TCERG1L: variants seen among roughly 807,000 people sequenced by gnomAD.
TCERG1L encodes transcription elongation regulator 1-like protein.
A neutral mutation model predicts 56.3 loss-of-function variants in TCERG1L; 37 were observed. That is an observed-to-expected ratio of 0.66 (90% confidence interval 0.51 to 0.87). The LOEUF (loss-of-function observed/expected upper bound fraction) is 0.87. Ranked by LOEUF, TCERG1L falls within the 40% of genes least tolerant of loss-of-function variation. TCERG1L has a pLI of 0.00. For missense variants in TCERG1L, 799 were observed against 774.2 expected (o/e 1.03, Z -0.38); for synonymous variants, 324 against 326.3 (o/e 0.99, Z 0.08).
Position 131,148,477 on chromosome 10 carries a change from G to C in TCERG1L, c.1035-1817C>G, listed in dbSNP as rs201082051. On this transcript the variant is annotated intron_variant, in intron 6 of 11. Coordinates refer to ENST00000368642, the MANE Select transcript of TCERG1L (RefSeq NM_174937.4). ...ATAAACACACACAGACACATACACA[G>C]ACACATGCACACATATATACACACA... 4.9e-4 allele frequency among the ~76,000 whole-genome samples: 70 copies of C among 142,412 alleles called. No homozygotes were observed. The East Asian group carries it at 0.015, about 31-fold the overall frequency. 93.4% of individuals were successfully genotyped at this position (142,412 alleles called of 152,430 possible).
chr10:131,244,370 A>T (rs1488323112), intron 4 of TCERG1L, among the ~76,000 whole-genome samples: 2 of 152,206 alleles, frequency 1.3e-5, no homozygotes, highest in Non-Finnish European at 2.9e-5. Flanking sequence ...CAAGGAGTTC[A>T]TCCAGGGGAG....
At chr10:131,164,100 C>T (rs1261534798) in intron 5 of TCERG1L, 2 of 142,756 alleles carry the variant, frequency 1.4e-5, no homozygotes, top group African/African-American at 5.3e-5. Flanking sequence ...GCACTCCGGC[C>T]TGGGGGACAG....
intron 4 of TCERG1L, among the ~76,000 whole-genome samples, chr10:131,184,642 T>A (rs2099633): frequency 0.27 from 40,331 of 152,110 alleles, 6,549 homozygotes; most frequent in Non-Finnish European, 0.35. Flanking sequence ...TACACATCGG[T>A]CACGATGGAA....
rs559351124 is a variant in TCERG1L, at chr10:131,203,422, C to G, written c.857-36537G>C. Among the ~76,000 whole-genome samples the G allele has an allele frequency of 6.5e-4, 99 of 152,196 alleles. 1 individual carries two copies. Among genetic ancestry groups the G allele is most frequent in the Non-Finnish European group, 1.0e-3 (71 of 68,028 alleles). On this transcript the variant is annotated intron_variant, in intron 4 of 11. Coordinates refer to ENST00000368642, the MANE Select transcript of TCERG1L (RefSeq NM_174937.4). ...TGATGACAAAAAAGCACCCTAAGAC[C>G]TCTTTGACCAGACAGCAAACTGCCT...
At chr10:131,248,176 CAT>C (rs748664386) in intron 4 of TCERG1L, among the ~76,000 whole-genome samples, 24 of 150,894 alleles carry the variant, frequency 1.6e-4, no homozygotes, top group Admixed American at 3.3e-4. Context: ...CACACACCCA[CAT>C]GACACACACA....
At position 131,098,307 on chromosome 10, in the gene TCERG1L, T is replaced by C; in HGVS notation, c.1603A>G (p.Arg535Gly). The C allele has an allele frequency of 1.3e-6, 2 of 1,551,284 alleles. No homozygotes were observed. The highest frequency in any genetic ancestry group is 1.7e-6 in the Non-Finnish European group (2 of 1,146,982). ...KLLEESKVSPRTTFKEFAEKY... is the reference protein window; with the variant it reads ...KLLEESKVSPGTTFKEFAEKY... ...TCCGGTATATTTCTCTCTCCATACC[T>C]GGGAGACACTTTAGATTCCTCTAGA... Residue 535 changes from arginine to glycine, a missense_variant and splice_region_variant, in exon 11 of 12, where the codon AGG becomes GGG. Coordinates refer to ENST00000368642, the MANE Select transcript of TCERG1L (RefSeq NM_174937.4).
intron 4 of TCERG1L, among the ~76,000 whole-genome samples, chr10:131,199,121 G>A (rs1845398854): frequency 6.6e-6 from 1 of 152,150 alleles, no homozygotes; most frequent in Non-Finnish European, 1.5e-5. Flanking sequence ...GAAGGACTTG[G>A]CAGCCCCAGG....
chr10:131,127,311 C>T (rs761420201), intron 8 of TCERG1L, among the ~76,000 whole-genome samples: 1 of 152,230 alleles, frequency 6.6e-6, no homozygotes, highest in Non-Finnish European at 1.5e-5. Context: ...CAAACCCTGA[C>T]AGAGACAGAG....
intron 4 of TCERG1L, among the ~76,000 whole-genome samples, chr10:131,229,623 C>A (rs1019874100): frequency 6.6e-6 from 1 of 151,964 alleles, no homozygotes; most frequent in Non-Finnish European, 1.5e-5. Context: ...TAGATGAAAC[C>A]CCAAAATAGC....
intron 4 of TCERG1L, among the ~76,000 whole-genome samples, chr10:131,243,446 T>C (rs1034525286): frequency 2.0e-5 from 3 of 152,086 alleles, no homozygotes; most frequent in Non-Finnish European, 2.9e-5. Context: ...CTCGGTGTAG[T>C]GGTATGCACC....
chr10:131,118,724 A>G lies in TCERG1L; in HGVS notation c.1260-1790T>C, dbSNP rs1271519768. Among the ~76,000 whole-genome samples, 2 of 152,110 alleles carry G rather than the reference A, an allele frequency of 1.3e-5. No individual in the cohort carries two copies. Among genetic ancestry groups the G allele is most frequent in the Admixed American group, 1.3e-4 (2 of 15,266 alleles). ...TATCAAATCCTGCTTTTCCATGCCA[A>G]ATTTGGAATTGAGCCTGGTCTCTTT... On this transcript the variant is annotated intron_variant, in intron 8 of 11. Coordinates refer to ENST00000368642, the MANE Select transcript of TCERG1L (RefSeq NM_174937.4). This position sits in a 1 kb window ranked among gnomAD's most constrained non-coding sequence, Gnocchi z 4.2.
intron 8 of TCERG1L, among the ~76,000 whole-genome samples, chr10:131,130,059 A>G (rs940245759): frequency 2.0e-5 from 3 of 151,668 alleles, no homozygotes; most frequent in Non-Finnish European, 2.9e-5. Context: ...GGCTGCTGAT[A>G]AAGACATATC....
chr10:131,181,106 C>T (rs1163088941), intron 4 of TCERG1L, among the ~76,000 whole-genome samples: 1 of 152,222 alleles, frequency 6.6e-6, no homozygotes, highest in Non-Finnish European at 1.5e-5. Flanking sequence ...GAGTCCAGAC[C>T]TCCGCGCTGC....
intron 3 of TCERG1L, among the ~76,000 whole-genome samples, chr10:131,274,046 C>T (rs1269914766): frequency 6.6e-6 from 1 of 151,976 alleles, no homozygotes; most frequent in African/African-American, 2.4e-5. Flanking sequence ...GGGGCCTGGG[C>T]GTGTGATGGA....
intron 9 of TCERG1L, 121 bp downstream of exon 9, chr10:131,116,678 A>G: frequency 7.5e-7 from 1 of 1,333,856 alleles, no homozygotes; most frequent in South Asian, 1.3e-5. Flanking sequence ...TCAGGCCAGG[A>G]CAGTCACTCA....
intron 3 of TCERG1L, among the ~76,000 whole-genome samples, chr10:131,290,722 T>A (rs1846607112): frequency 6.6e-6 from 1 of 152,182 alleles, no homozygotes; most frequent in Non-Finnish European, 1.5e-5. Flanking sequence ...TATGATTTTA[T>A]TCATGACTGA....
At chr10:131,164,263 A>G (rs1846008759) in intron 5 of TCERG1L, 1 of 152,182 alleles carries the variant, frequency 6.6e-6, no homozygotes, top group South Asian at 2.1e-4. Context: ...TTCATTAAGA[A>G]TAAAATTTGG....
intron 9 of TCERG1L, among the ~76,000 whole-genome samples, chr10:131,107,956 T>C (rs1589776216): frequency 6.8e-6 from 1 of 146,766 alleles, no homozygotes; most frequent in African/African-American, 2.5e-5. Context: ...CATGTGTGCC[T>C]ACACACACAC....
intron 4 of TCERG1L, among the ~76,000 whole-genome samples, chr10:131,187,210 C>T (rs1845254495): frequency 6.6e-6 from 1 of 152,268 alleles, no homozygotes; most frequent in Admixed American, 6.5e-5. Context: ...AGAGGCACGT[C>T]GGTCAAATCA....
Sources: allele counts gnomAD v4.1 joint callset (sites outside exome capture counted in the v4.1 genomes callset), GRCh38; gene constraint gnomAD v4.1.1; non-coding constraint Gnocchi (gnomAD v3.1); transcripts MANE v1.5; gene names NCBI Gene and HGNC (gene_info 2026-07-23, HGNC 2026-07-21).